Variants in PRKAR1B observed in about 807,000 individuals in gnomAD.
PRKAR1B encodes cAMP-dependent protein kinase type I-beta regulatory subunit.
PRKAR1B carries 22 observed loss-of-function variants against 46.5 expected under a neutral mutation model. The observed-to-expected ratio is 0.47, with a 90% CI of 0.34 to 0.68. The LOEUF is 0.68. Ranked by LOEUF, PRKAR1B falls within the 30% of genes least tolerant of loss-of-function variation. The probability of loss-of-function intolerance (pLI) is 0.01; values close to 1 mark genes in which losing one functional copy is unlikely to be tolerated. For missense variants in PRKAR1B, 445 were observed against 535.6 expected (o/e 0.83, Z 1.67); for synonymous variants, 259 against 217.7 (o/e 1.19, Z -1.67).
chr7:689,815 G>C (rs185590492), intron 2 of PRKAR1B, among the ~76,000 whole-genome samples: 9 of 152,068 alleles, frequency 5.9e-5, no homozygotes, highest in African/African-American at 2.2e-4. Flanking sequence ...GAGTAGCTGG[G>C]ACTACAGGCA....
At chr7:566,195 C>T (rs1163039712) in intron 9 of PRKAR1B, among the ~76,000 whole-genome samples, 2 of 151,902 alleles carry the variant, frequency 1.3e-5, no homozygotes, top group African/African-American at 2.4e-5. Flanking sequence ...TAACCACAAC[C>T]ACCATGGCCA....
intron 2 of PRKAR1B, among the ~76,000 whole-genome samples, chr7:706,585 ATTT>A (rs754034242): frequency 3.5e-5 from 4 of 113,766 alleles, no homozygotes; most frequent in African/African-American, 6.8e-5. Context: ...TGCCCAGCTA[ATTT>A]TTTTTTTTTT....
chr7:711,617 C>CTGGG, intron 1 of PRKAR1B, 90 bp from the exon 2 acceptor site: 1 of 1,178,242 alleles, frequency 8.5e-7, no homozygotes. Flanking sequence ...AGGCTTCTCC[C>CTGGG]AGGAGCGTGG....
chr7:671,739 C>A (rs530527147), intron 4 of PRKAR1B, among the ~76,000 whole-genome samples: 2 of 152,294 alleles, frequency 1.3e-5, no homozygotes, highest in Non-Finnish European at 2.9e-5. Flanking sequence ...ATGCCTTGTT[C>A]CCTGTGGCCC....
At chr7:701,707 A>G (rs959756533) in intron 2 of PRKAR1B, among the ~76,000 whole-genome samples, 2 of 152,234 alleles carry the variant, frequency 1.3e-5, no homozygotes, top group Non-Finnish European at 2.9e-5. Flanking sequence ...CAATGGGAAG[A>G]CATCTTTAAA....
intron 4 of PRKAR1B, among the ~76,000 whole-genome samples, chr7:652,965 G>A (rs754054260): frequency 2.0e-5 from 3 of 152,156 alleles, no homozygotes; most frequent in Admixed American, 6.5e-5. Context: ...GGTGGCCACC[G>A]GCCTGGCACT....
chr7:726,645 A>G (rs935877387), intron 1 of PRKAR1B: 14 of 1,105,976 alleles, frequency 1.3e-5, no homozygotes, highest in African/African-American at 1.1e-4. Flanking sequence ...CGCAGCGCGG[A>G]CCGGAAGTGC....
chr7:674,169 C>G (rs1786449123), intron 4 of PRKAR1B, among the ~76,000 whole-genome samples: 1 of 152,194 alleles, frequency 6.6e-6, no homozygotes, highest in Non-Finnish European at 1.5e-5. Flanking sequence ...CCTGGGGGGC[C>G]TGGACACCTC....
At chr7:634,355 A>C (rs990499449) in intron 4 of PRKAR1B, among the ~76,000 whole-genome samples, 7 of 151,088 alleles carry the variant, frequency 4.6e-5, no homozygotes, top group African/African-American at 1.7e-4. Flanking sequence ...AGCCAGGTGC[A>C]GTGGCTCAGC....
intron 2 of PRKAR1B, among the ~76,000 whole-genome samples, chr7:699,424 G>T (rs1052956036): frequency 6.6e-6 from 1 of 152,154 alleles, no homozygotes; most frequent in Non-Finnish European, 1.5e-5. Context: ...AACAGCCGGG[G>T]TAGGAAGGGC....
intron 1 of PRKAR1B, among the ~76,000 whole-genome samples, chr7:722,559 A>G (rs911695100): frequency 1.3e-5 from 2 of 151,312 alleles, no homozygotes; most frequent in African/African-American, 4.9e-5. Flanking sequence ...TTTAGTAGAG[A>G]TGGGGTTTCA....
At chr7:690,724 G>T (rs1047831419) in intron 2 of PRKAR1B, among the ~76,000 whole-genome samples, 1 of 152,218 alleles carries the variant, frequency 6.6e-6, no homozygotes, top group African/African-American at 2.4e-5. Context: ...ACACCCAGAA[G>T]ACGGGGCTCC....
intron 4 of PRKAR1B, among the ~76,000 whole-genome samples, chr7:662,410 T>C (rs1356757083): frequency 6.9e-3 from 317 of 45,930 alleles, no homozygotes; most frequent in Middle Eastern, 0.021. Flanking sequence ...CAGGTCCCCA[T>C]CCCAACGGGT....
intron 2 of PRKAR1B, 78 bp from the exon 3 acceptor site, chr7:680,804 C>A: frequency 6.5e-7 from 1 of 1,534,438 alleles, no homozygotes; most frequent in Non-Finnish European, 8.9e-7. Context: ...TGCCTGTGAT[C>A]CCAGCACTGT....
At chr7:692,243 T>C (rs1377163693) in intron 2 of PRKAR1B, among the ~76,000 whole-genome samples, 1 of 152,086 alleles carries the variant, frequency 6.6e-6, no homozygotes, top group African/African-American at 2.4e-5. Flanking sequence ...CTACTAAAAA[T>C]ACAAAAATTA....
intron 1 of PRKAR1B, among the ~76,000 whole-genome samples, chr7:718,295 CAT>C (rs1554247177): frequency 1.3e-3 from 176 of 135,748 alleles, no homozygotes; most frequent in African/African-American, 4.1e-3. Context: ...CACACACACA[CAT>C]ACACATATAT....
intron 7 of PRKAR1B, among the ~76,000 whole-genome samples, chr7:594,300 G>C (rs890501528): frequency 1.3e-5 from 2 of 152,234 alleles, no homozygotes; most frequent in South Asian, 2.1e-4. Flanking sequence ...TCCCAAGCAG[G>C]GGATGGAGGA....
intron 4 of PRKAR1B, among the ~76,000 whole-genome samples, chr7:609,619 T>C (rs1296799587): frequency 1.3e-5 from 2 of 152,246 alleles, no homozygotes; most frequent in East Asian, 3.8e-4. Context: ...CATTTGCATA[T>C]CACTGACAGA....
At chr7:614,168 A>C (rs1488919839) in intron 4 of PRKAR1B, among the ~76,000 whole-genome samples, 1 of 152,234 alleles carries the variant, frequency 6.6e-6, no homozygotes, top group Non-Finnish European at 1.5e-5. Context: ...TCGGACTCAC[A>C]GGAAGCCTCT....
Sources: gnomAD v4.1 joint callset for allele counts (sites outside exome capture counted in the v4.1 genomes callset) on GRCh38, gnomAD v4.1.1 for gene constraint, MANE v1.5 for transcripts, NCBI Gene and HGNC (gene_info 2026-07-23, HGNC 2026-07-21) for gene names.